Variants in RCAN2 observed in about 807,000 individuals in gnomAD.
RCAN2 encodes calcipressin-2.
Under a neutral mutation model 23.6 loss-of-function variants are expected in RCAN2, and 9 were observed. The observed-to-expected ratio is 0.38, with a 90% CI of 0.23 to 0.67. RCAN2 has a LOEUF of 0.67. Ranked by LOEUF, RCAN2 falls within the 30% of genes least tolerant of loss-of-function variation. The pLI is 0.51. For synonymous variants in RCAN2, 109 were observed against 115.7 expected (o/e 0.94, Z 0.37); for missense variants, 273 against 302.3 (o/e 0.90, Z 0.72).
At chr6:46,363,933 T>G (rs1224825242) in intron 2 of RCAN2, among the ~76,000 whole-genome samples, 1 of 152,134 alleles carries the variant, frequency 6.6e-6, no homozygotes, top group East Asian at 1.9e-4. Flanking sequence ...TGAAATAAAT[T>G]TGGTTAATGC....
intron 2 of RCAN2, among the ~76,000 whole-genome samples, chr6:46,358,239 G>A (rs1693684723): frequency 6.6e-6 from 1 of 152,092 alleles, no homozygotes; most frequent in Admixed American, 6.5e-5. Flanking sequence ...AAATCCCATG[G>A]AGTAAAACAG....
chr6:46,467,318 C>G (rs1768414479), intron 1 of RCAN2, among the ~76,000 whole-genome samples: 1 of 152,192 alleles, frequency 6.6e-6, no homozygotes, highest in African/African-American at 2.4e-5. Flanking sequence ...GGACAAATCA[C>G]TTAATCTCTG....
chr6:46,280,577 C>T (rs560944983), intron 2 of RCAN2, among the ~76,000 whole-genome samples: 10 of 152,166 alleles, frequency 6.6e-5, no homozygotes, highest in African/African-American at 1.9e-4. Flanking sequence ...CATGTTATAA[C>T]GTAAATAACT....
chr6:46,323,574 G>C (rs1763688334), intron 2 of RCAN2, among the ~76,000 whole-genome samples: 1 of 152,128 alleles, frequency 6.6e-6, no homozygotes, highest in Admixed American at 6.5e-5. Context: ...CTCTCATAGA[G>C]AACCTACTGC....
At chr6:46,388,037 G>A (rs1174223014) in intron 2 of RCAN2, among the ~76,000 whole-genome samples, 2 of 152,058 alleles carry the variant, frequency 1.3e-5, no homozygotes, top group Non-Finnish European at 2.9e-5. Flanking sequence ...CTCACTCATA[G>A]GTGGGAATTG....
intron 4 of RCAN2, among the ~76,000 whole-genome samples, chr6:46,245,247 T>C (rs965709267): frequency 6.6e-6 from 1 of 152,228 alleles, no homozygotes; most frequent in African/African-American, 2.4e-5. Flanking sequence ...CTGAGTGATG[T>C]GATGGTGATT....
chr6:46,409,573 T>G (rs1561894101), intron 2 of RCAN2, among the ~76,000 whole-genome samples: 2 of 152,242 alleles, frequency 1.3e-5, no homozygotes, highest in Non-Finnish European at 2.9e-5. Context: ...GATCACTTTT[T>G]CCAATATATC....
intron 2 of RCAN2, among the ~76,000 whole-genome samples, chr6:46,432,647 A>G (rs1045012251): frequency 4.6e-5 from 7 of 152,202 alleles, no homozygotes; most frequent in African/African-American, 1.4e-4. Flanking sequence ...GACTTGGCCA[A>G]CGTGTTCACT....
At chr6:46,457,070 C>G (rs1768058916) in intron 1 of RCAN2, 92 bp from the exon 2 acceptor site, 7 of 779,864 alleles carry the variant, frequency 9.0e-6, no homozygotes, top group African/African-American at 1.7e-5. Context: ...AGGGGCAGAA[C>G]AGTGGAGTAC....
chr6:46,340,894 T>C (rs1764299576), intron 2 of RCAN2, among the ~76,000 whole-genome samples: 1 of 152,228 alleles, frequency 6.6e-6, no homozygotes, highest in African/African-American at 2.4e-5. Flanking sequence ...GGAAAACTTT[T>C]CTTTTAAAGT....
intron 1 of RCAN2, among the ~76,000 whole-genome samples, chr6:46,458,009 T>C (rs1418368444): frequency 6.6e-6 from 1 of 152,220 alleles, no homozygotes; most frequent in Non-Finnish European, 1.5e-5. Flanking sequence ...ATGACTGTGA[T>C]ACTATTCTGC....
Position 46,380,850 on chromosome 6 carries a change from T to C in RCAN2, c.225+75902A>G. ...GATTGATAGATAACTATAATGTGTA[T>C]ATACTATTTTAAAATAAGGATAAAA... On this transcript the variant is annotated intron_variant, in intron 2 of 4. Coordinates refer to ENST00000371374, the MANE Select transcript of RCAN2 (RefSeq NM_001251974.2). Among the ~76,000 whole-genome samples, 3 of 152,346 alleles carry C rather than the reference T, an allele frequency of 2.0e-5. 1 individual carries two copies. Among genetic ancestry groups the C allele is most frequent in the Non-Finnish European group, 4.4e-5 (3 of 68,026 alleles).
chr6:46,343,774 A>G (rs192201617), intron 2 of RCAN2, among the ~76,000 whole-genome samples: 1 of 152,340 alleles, frequency 6.6e-6, no homozygotes, highest in East Asian at 1.9e-4. Flanking sequence ...AAACAAAGAC[A>G]TATGTTGATA....
intron 2 of RCAN2, among the ~76,000 whole-genome samples, chr6:46,411,739 A>C (rs1260555117): frequency 6.6e-6 from 1 of 152,236 alleles, no homozygotes; most frequent in Non-Finnish European, 1.5e-5. Context: ...AGTTAAAAGA[A>C]GTACCTAATC....
chr6:46,308,416 A>G (rs535783693), intron 2 of RCAN2, among the ~76,000 whole-genome samples: 1 of 152,308 alleles, frequency 6.6e-6, no homozygotes, highest in South Asian at 2.1e-4. Flanking sequence ...TTTGCAACAC[A>G]ACATGTGAGG....
At chr6:46,260,383 T>A (rs1767070013) in intron 2 of RCAN2, among the ~76,000 whole-genome samples, 1 of 152,102 alleles carries the variant, frequency 6.6e-6, no homozygotes, top group African/African-American at 2.4e-5. Flanking sequence ...ATCCGCAAAG[T>A]TTAAGTCAAC....
chr6:46,488,477 A>ATCC (rs1237441186), intron 1 of RCAN2, among the ~76,000 whole-genome samples: 1 of 152,218 alleles, frequency 6.6e-6, no homozygotes, highest in Non-Finnish European at 1.5e-5. Context: ...AGTTCATACT[A>ATCC]CCACTTTTGG....
chr6:46,332,458 C>G (rs533898314), intron 2 of RCAN2, among the ~76,000 whole-genome samples: 1 of 123,300 alleles, frequency 8.1e-6, no homozygotes, highest in Non-Finnish European at 1.6e-5. Flanking sequence ...ATCCCTCCCC[C>G]CTCCCCCCAC....
At chr6:46,337,057 T>C (rs1354143388) in intron 2 of RCAN2, among the ~76,000 whole-genome samples, 1 of 151,684 alleles carries the variant, frequency 6.6e-6, no homozygotes, top group Admixed American at 6.6e-5. Flanking sequence ...GTTATACAGA[T>C]GACAAGAGTA....
Sources: allele counts gnomAD v4.1 joint callset (sites outside exome capture counted in the v4.1 genomes callset), GRCh38; gene constraint gnomAD v4.1.1; transcripts MANE v1.5; gene names NCBI Gene and HGNC (gene_info 2026-07-23, HGNC 2026-07-21).